Variants in RAD54B observed in about 807,000 individuals in gnomAD.
RAD54B encodes the protein RAD54 homolog B, also known as DNA repair and recombination protein RAD54B.
A neutral mutation model predicts 95.8 loss-of-function variants in RAD54B; 78 were observed. That is an observed-to-expected ratio of 0.81 (90% CI 0.68 to 0.98). RAD54B has a LOEUF of 0.98. Among genes scored for constraint, RAD54B ranks in the 50% least tolerant of loss-of-function variants. RAD54B has a pLI of 0.00. For missense variants in RAD54B, 957 were observed against 1,056.6 expected (o/e 0.91, Z 1.31); for synonymous variants, 328 against 354.9 (o/e 0.92, Z 0.85).
intron 4 of RAD54B, among the ~76,000 whole-genome samples, chr8:94,409,333 A>C (rs1416402734): frequency 2.6e-5 from 4 of 151,888 alleles, no homozygotes; most frequent in Non-Finnish European, 5.9e-5. Context: ...AGAGCCTCAA[A>C]GAAAGGTCAG....
At chr8:94,445,696 T>G (rs1812505265) in intron 3 of RAD54B, among the ~76,000 whole-genome samples, 1 of 151,868 alleles carries the variant, frequency 6.6e-6, no homozygotes, top group Non-Finnish European at 1.5e-5. Context: ...TTTAGGTACA[T>G]TAATTTTTTT....
chr8:94,437,952 T>G (rs1417872763), intron 3 of RAD54B, among the ~76,000 whole-genome samples: 1 of 152,158 alleles, frequency 6.6e-6, no homozygotes, highest in South Asian at 2.1e-4. Flanking sequence ...TTTTTCCAGA[T>G]AGGGGAATAA....
intron 4 of RAD54B, 52 bp from the exon 5 acceptor site, chr8:94,407,772 A>C (rs757436980): frequency 2.0e-5 from 30 of 1,494,146 alleles, no homozygotes; most frequent in Non-Finnish European, 2.6e-5. Flanking sequence ...TACCACGGTC[A>C]CCTTCCCGTA....
intron 7 of RAD54B, 85 bp downstream of exon 7, chr8:94,400,153 G>A: frequency 8.5e-7 from 1 of 1,170,636 alleles, no homozygotes; most frequent in Non-Finnish European, 1.2e-6. Context: ...AAAGGGTTAG[G>A]GAGTTAACAA....
chr8:94,372,109 C>T lies in RAD54B; in HGVS notation c.*61G>A. 1 of 1,507,738 alleles carries T rather than the reference C, an allele frequency of 6.6e-7. No individual in the cohort carries two copies. Among genetic ancestry groups the T allele is most frequent in the Non-Finnish European group, 8.8e-7 (1 of 1,137,500 alleles). The allele number at this position is 1,507,738 out of a possible 1,614,324, so 93.4% of individuals were successfully genotyped here. ...TAATTCTATTAATTTTCAAAAAGTA[C>T]ATTTAATTACCATACTAATTTTCAA... On this transcript the variant is annotated 3_prime_UTR_variant, in exon 15 of 15. Coordinates refer to ENST00000336148, the MANE Select transcript of RAD54B (RefSeq NM_012415.3).
chr8:94,429,668 A>T, intron 3 of RAD54B: 1 of 983,526 alleles, frequency 1.0e-6, no homozygotes, highest in Non-Finnish European at 1.2e-6. Context: ...GATTCATTAG[A>T]CTCAAAGAAA....
intron 3 of RAD54B, among the ~76,000 whole-genome samples, chr8:94,442,445 G>C (rs952358113): frequency 1.3e-5 from 2 of 151,950 alleles, no homozygotes; most frequent in African/African-American, 2.4e-5. Context: ...CGTGGTGGCA[G>C]GCGCCTGTAG....
At chr8:94,411,728 G>A (rs532567867) in intron 3 of RAD54B, among the ~76,000 whole-genome samples, 27 of 150,676 alleles carry the variant, frequency 1.8e-4, no homozygotes, top group African/African-American at 6.0e-4. Flanking sequence ...AGAGTTCTCT[G>A]AAAGTAAAAC....
chr8:94,421,829 G>A (rs1261989365), intron 3 of RAD54B, among the ~76,000 whole-genome samples: 1 of 152,036 alleles, frequency 6.6e-6, no homozygotes, highest in Non-Finnish European at 1.5e-5. Context: ...TTACTGCAGG[G>A]GCTTCCCAAC....
chr8:94,458,180 A>G, intron 3 of RAD54B, 88 bp downstream of exon 3: 1 of 1,265,282 alleles, frequency 7.9e-7, no homozygotes, highest in Non-Finnish European at 1.1e-6. Flanking sequence ...ATTTTCTAAT[A>G]TAACATATTC....
At chr8:94,446,905 A>C (rs1236621180) in intron 3 of RAD54B, among the ~76,000 whole-genome samples, 1 of 152,064 alleles carries the variant, frequency 6.6e-6, no homozygotes, top group Non-Finnish European at 1.5e-5. Context: ...GATGGTGCCA[A>C]GGGACTCTGA....
At chr8:94,454,257 CA>C (rs1352040576) in intron 3 of RAD54B, among the ~76,000 whole-genome samples, 2 of 151,622 alleles carry the variant, frequency 1.3e-5, no homozygotes, top group African/African-American at 4.9e-5. Flanking sequence ...TAGTGGTTGC[CA>C]GGGGCTGGAA....
chr8:94,393,644 C>T lies in RAD54B; in HGVS notation c.1518+99G>A. The stretch of plus-strand genomic sequence containing the variant: ...GGATTGTGGAGAAAAATAAAGAGTT[C>T]ACACTATTGATTTTTCTAAATCAAA... On this transcript the variant is annotated intron_variant, in intron 9 of 14. Coordinates refer to ENST00000336148, the MANE Select transcript of RAD54B (RefSeq NM_012415.3). 7.7e-6 allele frequency: 9 copies of T among 1,161,988 alleles called. No homozygotes were observed. The South Asian group carries it at 1.2e-4, about 15-fold the overall frequency. 72.0% of individuals were successfully genotyped at this position (1,161,988 alleles called of 1,614,324 possible).
chr8:94,383,578 T>C (rs1388070638), intron 11 of RAD54B, among the ~76,000 whole-genome samples: 1 of 152,228 alleles, frequency 6.6e-6, no homozygotes, highest in African/African-American at 2.4e-5. Flanking sequence ...TGTTCTATTA[T>C]TAGTTATTGT....
chr8:94,432,157 C>T (rs1563654866), intron 3 of RAD54B: 1 of 1,549,964 alleles, frequency 6.5e-7, no homozygotes, highest in Non-Finnish European at 8.7e-7. Context: ...TCAGGTAGAT[C>T]ATGCCGTAAG....
chr8:94,442,284 C>G (rs1419524670), intron 3 of RAD54B, among the ~76,000 whole-genome samples: 2 of 152,060 alleles, frequency 1.3e-5, no homozygotes, highest in Non-Finnish European at 2.9e-5. Flanking sequence ...TACAAAAGTA[C>G]AGTTAAAAGC....
At chr8:94,453,885 G>A (rs10112757) in intron 3 of RAD54B, among the ~76,000 whole-genome samples, 1,769 of 152,038 alleles carry the variant, frequency 0.012, 39 homozygotes, top group African/African-American at 0.041. Context: ...TCTGCCTCCC[G>A]GGTTCAAGCA....
intron 3 of RAD54B, chr8:94,432,763 C>A: frequency 7.7e-7 from 1 of 1,296,500 alleles, no homozygotes; most frequent in Non-Finnish European, 9.9e-7. Context: ...AGCTTTAAAA[C>A]TATAAAGTTA....
intron 3 of RAD54B, among the ~76,000 whole-genome samples, chr8:94,435,598 A>C (rs1288589322): frequency 6.6e-6 from 1 of 152,086 alleles, no homozygotes; most frequent in Non-Finnish European, 1.5e-5. Context: ...TGCCATTTTT[A>C]TATTTTGCCA....
Sources: allele counts gnomAD v4.1 joint callset (sites outside exome capture counted in the v4.1 genomes callset), GRCh38; gene constraint gnomAD v4.1.1; transcripts MANE v1.5; gene names NCBI Gene and HGNC (gene_info 2026-07-23, HGNC 2026-07-21).